The following GFM1 variants were observed in gnomAD, a reference collection of about 807,000 sequenced individuals.
GFM1 encodes G elongation factor mitochondrial 1, also known as elongation factor G, mitochondrial.
GFM1 carries 62 observed loss-of-function variants against 96.2 expected under a neutral mutation model. The ratio of observed to expected loss-of-function variants is 0.64; its 90% CI spans 0.53 to 0.80. GFM1 has a LOEUF of 0.80. Ranked by LOEUF, GFM1 falls within the 30% of genes least tolerant of loss-of-function variation. GFM1 has a pLI of 0.00. For missense variants in GFM1, 852 were observed against 916.6 expected (o/e 0.93, Z 0.91); for synonymous variants, 282 against 312.9 (o/e 0.90, Z 1.04).
intron 13 of GFM1, 104 bp from the exon 14 acceptor site, chr3:158,681,891 A>C (rs543461572): frequency 2.0e-6 from 2 of 982,190 alleles, no homozygotes; most frequent in East Asian, 5.2e-5. Flanking sequence ...TCATATTCAA[A>C]TGAAAAAGTA....
chr3:158,683,986 T>C (rs1725620699), intron 14 of GFM1, among the ~76,000 whole-genome samples: 1 of 152,072 alleles, frequency 6.6e-6, no homozygotes, highest in African/African-American at 2.4e-5. Context: ...ATAAAGAAAA[T>C]GTGGTACAAA....
In GFM1 at chr3:158,644,530, C is replaced by T. The variant is rs1319881343; in HGVS notation, c.-105C>T. 5 of 884,274 alleles carry T rather than the reference C, an allele frequency of 5.7e-6. No individual in the cohort carries two copies. The highest frequency in any genetic ancestry group is 3.3e-5 in the African/African-American group (2 of 59,718). The allele number at this position is 884,274 out of a possible 1,614,324, so 54.8% of individuals were successfully genotyped here. ...TCGCGTCCTTTGCCCCGGAAGTGCT[C>T]TTACAACATTGGCTGCCGGCGTGAC... On this transcript the variant is annotated 5_prime_UTR_variant, in exon 1 of 18. Coordinates refer to ENST00000486715, the MANE Select transcript of GFM1 (RefSeq NM_024996.7).
chr3:158,674,953 G>C (rs1724742837), intron 13 of GFM1, among the ~76,000 whole-genome samples: 2 of 152,098 alleles, frequency 1.3e-5, no homozygotes, highest in African/African-American at 4.8e-5. Context: ...AAATTAATGT[G>C]GTCAAATGAA....
intron 13 of GFM1, among the ~76,000 whole-genome samples, chr3:158,675,724 A>C (rs1700137017): frequency 6.6e-6 from 1 of 152,216 alleles, no homozygotes; most frequent in Non-Finnish European, 1.5e-5. Context: ...TGTGTTAACT[A>C]AAATTATAAT....
intron 13 of GFM1, among the ~76,000 whole-genome samples, chr3:158,677,365 A>G (rs1356006985): frequency 6.6e-6 from 1 of 152,236 alleles, no homozygotes; most frequent in Admixed American, 6.5e-5. Flanking sequence ...ATGTTGGTTC[A>G]TGAGGTTTAA....
chr3:158,686,915 TA>T (rs1725911164), intron 15 of GFM1, among the ~76,000 whole-genome samples: 1 of 151,844 alleles, frequency 6.6e-6, no homozygotes, highest in Non-Finnish European at 1.5e-5. Flanking sequence ...GTATTTTTAG[TA>T]GAGACAAGGG....
rs148556122 is a variant in GFM1, at chr3:158,694,168, T to G, written c.*2701T>G. On this transcript the variant is annotated 3_prime_UTR_variant, in exon 18 of 18. Transcript: ENST00000486715. ...AGAACTGTTCATAATGGCAAAGATA[T>G]GGAATCAACCTAAATGCCTATCACT... Among the ~76,000 whole-genome samples, 1 of 152,102 alleles carries G rather than the reference T, an allele frequency of 6.6e-6. No homozygotes were observed. The highest frequency in any genetic ancestry group is 6.5e-5 in the Admixed American group (1 of 15,282).
At chr3:158,690,521 G>T (rs1016376970) in intron 16 of GFM1, 198 bp downstream of exon 16, 5 of 578,750 alleles carry the variant, frequency 8.6e-6, no homozygotes, top group Non-Finnish European at 1.5e-5. Context: ...TTGACCTTTT[G>T]TGAATGTGTC....
At chr3:158,683,048 A>C (rs1467735019) in intron 14 of GFM1, among the ~76,000 whole-genome samples, 2 of 152,000 alleles carry the variant, frequency 1.3e-5, no homozygotes, top group South Asian at 2.1e-4. Context: ...AAAAAAAAAA[A>C]AAAAACTGTT....
chr3:158,655,923 T>C (rs985905511), intron 8 of GFM1: 1 of 457,136 alleles, frequency 2.2e-6, no homozygotes, highest in African/African-American at 2.0e-5. Context: ...TGTAATAGTT[T>C]CTTAGACTTT....
intron 5 of GFM1, among the ~76,000 whole-genome samples, chr3:158,651,495 G>A (rs1722295647): frequency 6.6e-6 from 1 of 151,812 alleles, no homozygotes; most frequent in African/African-American, 2.4e-5. Context: ...TACTTCATAT[G>A]TGAAGATCAA....
chr3:158,671,093 A>G lies in GFM1; in HGVS notation c.1601+4707A>G, dbSNP rs1724246365. The stretch of plus-strand genomic sequence containing the variant: ...TATACTTGCATTGTTAGAAGTATGC[A>G]TCTCATTTGGTTGGAGGGGCTGGCT... On this transcript the variant is annotated intron_variant, in intron 13 of 17. Coordinates refer to ENST00000486715, the MANE Select transcript of GFM1 (RefSeq NM_024996.7). 3.7e-6 allele frequency: 5 copies of G among 1,367,784 alleles called. 1 individual carries two copies. In the African/African-American group the frequency reaches 6.0e-5, roughly 17 times the overall value. 84.7% of individuals were successfully genotyped at this position (1,367,784 alleles called of 1,614,324 possible).
intron 12 of GFM1, among the ~76,000 whole-genome samples, chr3:158,665,680 G>A (rs1252875731): frequency 6.6e-6 from 1 of 152,014 alleles, no homozygotes; most frequent in African/African-American, 2.4e-5. Context: ...TTTGTAAAAC[G>A]TTCTGGACTC....
At position 158,649,040 on chromosome 3, in the gene GFM1, G is replaced by C. The variant is rs2108009356; in HGVS notation, c.573-1G>C. On this transcript the variant is annotated splice_acceptor_variant, in intron 4 of 17. Transcript: ENST00000486715. LOFTEE classifies it high-confidence loss of function. ...TAAACAAGTGTATTTTTATTTTTCA[G>C]GTCTAAACTAAATCATAATGCAGCG... 3 of 1,344,008 alleles carry C rather than the reference G, an allele frequency of 2.2e-6. No individual in the cohort carries two copies. The highest frequency in any genetic ancestry group is 1.1e-6 in the Non-Finnish European group (1 of 934,490). 83.3% of individuals were successfully genotyped at this position (1,344,008 alleles called of 1,614,324 possible). A position where few individuals can be genotyped will look rare whatever the true frequency, so the allele number is the denominator to read the frequency against.
At chr3:158,685,505 A>G (rs1192408409) in intron 15 of GFM1, among the ~76,000 whole-genome samples, 1 of 152,196 alleles carries the variant, frequency 6.6e-6, no homozygotes, top group Non-Finnish European at 1.5e-5. Flanking sequence ...TAATCATAAT[A>G]TTTCCTAAAC....
intron 7 of GFM1, 94 bp from the exon 8 acceptor site, chr3:158,654,453 C>T (rs1553848537): frequency 1.1e-5 from 9 of 800,200 alleles, no homozygotes; most frequent in South Asian, 1.1e-4. Context: ...CACACACGTG[C>T]TTTTTCTCAG....
chr3:158,649,405 T>C, intron 5 of GFM1: 1 of 344,426 alleles, frequency 2.9e-6, no homozygotes, highest in Non-Finnish European at 5.4e-6. Flanking sequence ...CATGGTGTGG[T>C]AGAAGGAGGC....
At chr3:158,673,122 A>C (rs2108072651) in intron 13 of GFM1, among the ~76,000 whole-genome samples, 1 of 152,270 alleles carries the variant, frequency 6.6e-6, no homozygotes, top group South Asian at 2.1e-4. Flanking sequence ...TTCTGCCCAA[A>C]TCAAAGTATG....
chr3:158,656,045 CAT>C (rs1404841437), intron 8 of GFM1: 7 of 393,722 alleles, frequency 1.8e-5, no homozygotes, highest in Admixed American at 5.8e-5. Context: ...AGATTGGAGT[CAT>C]GTGTTTTTAG....
Sources: allele counts gnomAD v4.1 joint callset (sites outside exome capture counted in the v4.1 genomes callset), GRCh38; gene constraint gnomAD v4.1.1; transcripts MANE v1.5; gene names NCBI Gene and HGNC (gene_info 2026-07-23, HGNC 2026-07-21).